The following SEMA6D variants were observed in gnomAD, a reference collection of about 807,000 sequenced individuals.
The protein encoded by SEMA6D is semaphorin 6D.
In SEMA6D, 35 loss-of-function variants were observed where a neutral mutation model predicts 106.6. The observed-to-expected ratio is 0.33, with a 90% confidence interval of 0.25 to 0.44. The LOEUF (loss-of-function observed/expected upper bound fraction) is 0.44. Ranked by LOEUF, SEMA6D falls within the 20% of genes least tolerant of loss-of-function variation. The pLI is 1.00. For synonymous variants in SEMA6D, 499 were observed against 487.7 expected (o/e 1.02, Z -0.31); for missense variants, 1,185 against 1,345.9 (o/e 0.88, Z 1.87).
chr15:47,698,531 G>T (rs2078745352), intron 4 of SEMA6D, among the ~76,000 whole-genome samples: 1 of 152,008 alleles, frequency 6.6e-6, no homozygotes, highest in Non-Finnish European at 1.5e-5. Flanking sequence ...GATATAGGTG[G>T]GACCTAAAAA....
chr15:47,603,558 TA>T (rs1435600359), intron 4 of SEMA6D: 10 of 152,164 alleles, frequency 6.6e-5, no homozygotes, highest in Admixed American at 2.0e-4. Flanking sequence ...TCCTCATCTG[TA>T]AAATAAAGAT....
chr15:47,207,118 C>T (rs895075819), intron 1 of SEMA6D, among the ~76,000 whole-genome samples: 2 of 152,082 alleles, frequency 1.3e-5, no homozygotes, highest in Admixed American at 1.3e-4. Flanking sequence ...AGGAATGGCT[C>T]AATTCACTTG....
chr15:47,768,913 G>A (rs1470819342), intron 18 of SEMA6D, among the ~76,000 whole-genome samples, 165 bp downstream of exon 18: 1 of 152,110 alleles, frequency 6.6e-6, no homozygotes, highest in Non-Finnish European at 1.5e-5. Flanking sequence ...TTATATCTGA[G>A]TGCATTCCTT....
At chr15:47,441,539 G>A (rs1363637869) in intron 2 of SEMA6D, among the ~76,000 whole-genome samples, 3 of 152,030 alleles carry the variant, frequency 2.0e-5, no homozygotes, top group Non-Finnish European at 4.4e-5. Context: ...TCTTCTAAAT[G>A]TTTACAGGCA....
At chr15:47,694,479 T>G (rs1596656743) in intron 4 of SEMA6D, among the ~76,000 whole-genome samples, 1 of 152,192 alleles carries the variant, frequency 6.6e-6, no homozygotes, top group East Asian at 1.9e-4. Flanking sequence ...GAAAAAAAGC[T>G]TCTTTCTTAT....
At chr15:47,209,574 A>C (rs1266909229) in intron 1 of SEMA6D, among the ~76,000 whole-genome samples, 2 of 152,218 alleles carry the variant, frequency 1.3e-5, no homozygotes, top group African/African-American at 4.8e-5. Context: ...ACGCTGTAAC[A>C]TATTCCACTG....
chr15:47,320,230 A>C (rs1595724982), intron 1 of SEMA6D, among the ~76,000 whole-genome samples: 1 of 152,190 alleles, frequency 6.6e-6, no homozygotes, highest in East Asian at 1.9e-4. Context: ...AGTCTTCTTC[A>C]GCTTATCATA....
intron 1 of SEMA6D, among the ~76,000 whole-genome samples, chr15:47,717,967 C>A (rs1450553236): frequency 6.6e-6 from 1 of 152,022 alleles, no homozygotes; most frequent in East Asian, 1.9e-4. Context: ...GTTTGGCGGA[C>A]GCGTCAAAAC....
At chr15:47,209,703 G>A (rs191962694) in intron 1 of SEMA6D, among the ~76,000 whole-genome samples, 5 of 152,244 alleles carry the variant, frequency 3.3e-5, no homozygotes, top group Admixed American at 2.0e-4. Context: ...GGTCCCCGTC[G>A]CCTCTCCAGG....
intron 2 of SEMA6D, among the ~76,000 whole-genome samples, chr15:47,469,908 A>T (rs1422679480): frequency 6.6e-6 from 1 of 152,196 alleles, no homozygotes; most frequent in East Asian, 1.9e-4. Flanking sequence ...TCCTCTCAGA[A>T]AAGTGTGCAC....
intron 1 of SEMA6D, among the ~76,000 whole-genome samples, chr15:47,306,854 T>TA (rs1374723519): frequency 1.3e-5 from 2 of 152,264 alleles, no homozygotes; most frequent in Non-Finnish European, 2.9e-5. Context: ...TTTTAGAAGA[T>TA]ATGCAACTCT....
chr15:47,196,323 A>T (rs1894355751), intron 1 of SEMA6D, among the ~76,000 whole-genome samples: 1 of 152,164 alleles, frequency 6.6e-6, no homozygotes, highest in Non-Finnish European at 1.5e-5. Flanking sequence ...TTGAGCCTGC[A>T]GTATTTTGGA....
chr15:47,519,189 T>C (rs1031739173), intron 3 of SEMA6D, among the ~76,000 whole-genome samples: 69 of 152,366 alleles, frequency 4.5e-4, no homozygotes, highest in African/African-American at 1.6e-3. Flanking sequence ...AATGTAGTTA[T>C]TTATTACCAT....
chr15:47,278,690 T>C (rs989764701), intron 1 of SEMA6D, among the ~76,000 whole-genome samples: 1 of 151,884 alleles, frequency 6.6e-6, no homozygotes, highest in African/African-American at 2.4e-5. Flanking sequence ...TCCTTGCCCA[T>C]GCCTATGTCC....
intron 1 of SEMA6D, among the ~76,000 whole-genome samples, chr15:47,405,613 G>C (rs2040538788): frequency 6.6e-6 from 1 of 152,154 alleles, no homozygotes; most frequent in African/African-American, 2.4e-5. Flanking sequence ...TTGACACCTA[G>C]ACAGTTCTTG....
At chr15:47,629,630 C>G (rs1023368044) in intron 4 of SEMA6D, among the ~76,000 whole-genome samples, 2 of 151,802 alleles carry the variant, frequency 1.3e-5, no homozygotes, top group Non-Finnish European at 2.9e-5. Flanking sequence ...AATATTGTTG[C>G]TAAGTATAGT....
intron 3 of SEMA6D, among the ~76,000 whole-genome samples, chr15:47,547,418 G>A (rs915623855): frequency 2.6e-5 from 4 of 152,110 alleles, no homozygotes; most frequent in Middle Eastern, 3.2e-3. Flanking sequence ...AGAATAAAAT[G>A]TCTTGCTTTT....
At chr15:47,599,579 G>A (rs1053814360) in intron 3 of SEMA6D, among the ~76,000 whole-genome samples, 1 of 152,056 alleles carries the variant, frequency 6.6e-6, no homozygotes, top group Non-Finnish European at 1.5e-5. Context: ...CAAAGAACCA[G>A]TGCACATATG....
At chr15:47,227,238 GA>G (rs762383619) in intron 1 of SEMA6D, among the ~76,000 whole-genome samples, 6 of 151,948 alleles carry the variant, frequency 3.9e-5, no homozygotes, top group Non-Finnish European at 8.8e-5. Context: ...ATACAGCTTA[GA>G]AAAGCTCCTA....
Sources: gnomAD v4.1 joint callset for allele counts (sites outside exome capture counted in the v4.1 genomes callset) on GRCh38, gnomAD v4.1.1 for gene constraint, MANE v1.5 for transcripts, NCBI Gene and HGNC (gene_info 2026-07-23, HGNC 2026-07-21) for gene names.